PM20D1: variants seen among roughly 807,000 people sequenced by gnomAD.
PM20D1 encodes the protein N-fatty-acyl-amino acid synthase/hydrolase PM20D1.
A neutral mutation model predicts 53.8 loss-of-function variants in PM20D1; 53 were observed. The ratio of observed to expected loss-of-function variants is 0.98; its 90% CI spans 0.79 to 1.24. The LOEUF (loss-of-function observed/expected upper bound fraction) is 1.24, where lower values mean the gene tolerates loss of function less well. PM20D1 is among the 50% of genes most tolerant of loss of function. PM20D1 has a pLI of 0.00. For synonymous variants in PM20D1, 239 were observed against 241.3 expected (o/e 0.99, Z 0.09); for missense variants, 564 against 616.8 (o/e 0.91, Z 0.91).
chr1:205,835,131 T>C (rs1656655166), intron 10 of PM20D1, among the ~76,000 whole-genome samples: 1 of 152,196 alleles, frequency 6.6e-6, no homozygotes, highest in African/African-American at 2.4e-5. Flanking sequence ...GAGTATAACC[T>C]GAGAGGAGGT....
chr1:205,844,628 G>A (rs1558094244), intron 4 of PM20D1, among the ~76,000 whole-genome samples, 183 bp downstream of exon 4: 1 of 152,194 alleles, frequency 6.6e-6, no homozygotes, highest in Non-Finnish European at 1.5e-5. Context: ...AGGGCACAGG[G>A]CCCAGGAATC....
chr1:205,845,703 T>C, intron 2 of PM20D1, 146 bp from the exon 3 acceptor site: 1 of 651,178 alleles, frequency 1.5e-6, no homozygotes, highest in South Asian at 2.0e-5. Flanking sequence ...AAAGCTAGTC[T>C]GATTCCTGAT....
At chr1:205,838,720 C>T in intron 10 of PM20D1, among the ~76,000 whole-genome samples, 1 of 152,244 alleles carries the variant, frequency 6.6e-6, no homozygotes, top group East Asian at 1.9e-4. Flanking sequence ...ATAAGCTTCT[C>T]AAACTTCCAA....
Position 205,832,597 on chromosome 1 carries a change from C to A in PM20D1, c.1285+1G>T. 2 of 1,614,040 alleles carry A rather than the reference C, an allele frequency of 1.2e-6. No homozygotes were observed. The highest frequency in any genetic ancestry group is 1.7e-6 in the Non-Finnish European group (2 of 1,179,944). ...CCAGCCACAGCTGATGAAGTCATTA[C>A]CTGGGGCAGTAATATTGACTTCCGG... On this transcript the variant is annotated splice_donor_variant, in intron 11 of 12. Transcript: ENST00000367136. LOFTEE classifies it high-confidence loss of function.
At chr1:205,834,511 A>G (rs1042231378) in intron 10 of PM20D1, among the ~76,000 whole-genome samples, 2 of 152,182 alleles carry the variant, frequency 1.3e-5, no homozygotes, top group Non-Finnish European at 2.9e-5. Flanking sequence ...CTGGAGAGGA[A>G]GTGAAGGTTC....
At chr1:205,837,687 G>A (rs763646617) in intron 10 of PM20D1, among the ~76,000 whole-genome samples, 2 of 152,156 alleles carry the variant, frequency 1.3e-5, no homozygotes, top group East Asian at 3.9e-4. Flanking sequence ...ACTGCGGCAC[G>A]TGGGCAGGAT....
chr1:205,845,829 T>C (rs975006947), intron 2 of PM20D1, among the ~76,000 whole-genome samples: 2 of 150,408 alleles, frequency 1.3e-5, no homozygotes, highest in Non-Finnish European at 3.0e-5. Flanking sequence ...ATGCCTGTAA[T>C]CCCAGCACTT....
At position 205,830,286 on chromosome 1, in the gene PM20D1, A is replaced by C; in HGVS notation, c.1379T>G (p.Phe460Cys). ...FYPIYIQPED[F>C]KRIHGVNEKI... The stretch of plus-strand genomic sequence containing the variant: ...TCAAACCTGTTCCACTCACCGTTTG[A>C]AGTCTTCAGGCTGTATGTAGATGGG... The change falls in exon 12 of 13, where the codon TTC (phenylalanine) becomes TGC (cysteine). Residue 460 changes from phenylalanine to cysteine, a missense_variant. Physicochemically the swap from Phe to Cys is radical, Grantham distance 205. Transcript: ENST00000367136. The C allele has an allele frequency of 6.3e-7, 1 of 1,595,342 alleles. No individual in the cohort carries two copies.
chr1:205,842,744 G>A lies in PM20D1; in HGVS notation c.835C>T (p.Gln279Ter). ...CCAAATATGATAGGCATTGGTGTCT[G>A]CTCCAATCTGGAAGAGAAACAGAGT... Reference protein sequence around the residue: ...ILAAAVSRLEQTPMPIIFGSG... With the variant: ...ILAAAVSRLE The change falls in exon 7 of 13, where the codon CAG becomes TAG. Residue 279 changes from glutamine (Q) to a stop codon, truncating the protein, a stop_gained. Transcript: ENST00000367136. LOFTEE classifies it high-confidence loss of function. The A allele has an allele frequency of 2.5e-6, 4 of 1,613,896 alleles. No homozygotes were observed. Among genetic ancestry groups the A allele is most frequent in the Non-Finnish European group, 3.4e-6 (4 of 1,179,996 alleles).
At chr1:205,830,717 C>T (rs1391937995) in intron 11 of PM20D1, among the ~76,000 whole-genome samples, 1 of 150,800 alleles carries the variant, frequency 6.6e-6, no homozygotes, top group South Asian at 2.1e-4. Flanking sequence ...CCCCATGACG[C>T]CCAGGGTGGC....
intron 4 of PM20D1, among the ~76,000 whole-genome samples, chr1:205,844,557 A>C (rs951734987): frequency 6.6e-6 from 1 of 152,066 alleles, no homozygotes; most frequent in Non-Finnish European, 1.5e-5. Context: ...CTTAGGGTAT[A>C]GGTGATGGAC....
chr1:205,843,562 G>A, intron 6 of PM20D1, 105 bp downstream of exon 6: 1 of 1,480,344 alleles, frequency 6.8e-7, no homozygotes, highest in Non-Finnish European at 9.0e-7. Context: ...TAGTTTCCCA[G>A]CCCAACTTTA....
intron 10 of PM20D1, among the ~76,000 whole-genome samples, chr1:205,837,909 C>A (rs532189009): frequency 6.6e-6 from 1 of 152,220 alleles, no homozygotes; most frequent in African/African-American, 2.4e-5. Flanking sequence ...GATTTCCTGG[C>A]CCCATGAGAC....
At chr1:205,848,015 C>A in intron 1 of PM20D1, 44 bp from the exon 2 acceptor site, 1 of 1,579,816 alleles carries the variant, frequency 6.3e-7, no homozygotes, top group South Asian at 1.1e-5. Context: ...ATGAATTAGT[C>A]ATTGTTTTTT....
At chr1:205,844,498 G>A (rs568157939) in intron 4 of PM20D1, among the ~76,000 whole-genome samples, 7 of 152,288 alleles carry the variant, frequency 4.6e-5, no homozygotes, top group South Asian at 2.1e-4. Flanking sequence ...GAAATAAAAC[G>A]CAGTCATCAC....
Position 205,849,898 on chromosome 1 carries a change from G to C in PM20D1, c.169+6C>G, listed in dbSNP as rs772595617. ...GCATAGGTGGGTGAAGGGGACCCGG[G>C]TTCACCTTTCAGCGCCTCTTTCATC... On this transcript the variant is annotated splice_donor_region_variant and intron_variant, in intron 1 of 12. Coordinates refer to ENST00000367136, the MANE Select transcript of PM20D1 (RefSeq NM_152491.5). The C allele has an allele frequency of 6.2e-7, 1 of 1,609,692 alleles. No homozygotes were observed. Among genetic ancestry groups the C allele is most frequent in the South Asian group, 1.1e-5 (1 of 90,730 alleles).
At chr1:205,840,726 G>C (rs1656787581) in intron 9 of PM20D1, among the ~76,000 whole-genome samples, 1 of 152,218 alleles carries the variant, frequency 6.6e-6, no homozygotes, top group Non-Finnish European at 1.5e-5. Context: ...CGATGGGGCA[G>C]CCAGAGCCTC....
intron 10 of PM20D1, among the ~76,000 whole-genome samples, chr1:205,839,669 C>T (rs1444771354): frequency 1.3e-5 from 2 of 152,050 alleles, no homozygotes; most frequent in Admixed American, 6.6e-5. Flanking sequence ...CACGGTGAAA[C>T]ACCGTCTCTA....
At position 205,844,211 on chromosome 1, in the gene PM20D1, C is replaced by T. The variant is rs751404132; in HGVS notation, c.583G>A (p.Gly195Arg). 6.2e-7 allele frequency: 1 copy of T among 1,609,894 alleles called. No individual in the cohort carries two copies. Among genetic ancestry groups the T allele is most frequent in the Admixed American group, 1.7e-5 (1 of 59,412 alleles). ...GCTGAGATCCTCTGAGCCCCTGTCC[C>T]TGATGACTGCAGACATGGAACATAG... ...ISLGHDEESS[G>R]TGAQRISALL... The change falls in exon 5 of 13, where the codon GGG becomes AGG. Residue 195 changes from glycine to arginine, a missense_variant. Gly to Arg is a moderately radical substitution (Grantham distance 125). Coordinates refer to ENST00000367136, the MANE Select transcript of PM20D1 (RefSeq NM_152491.5).
Sources: gnomAD v4.1 joint callset for allele counts (sites outside exome capture counted in the v4.1 genomes callset) on GRCh38, gnomAD v4.1.1 for gene constraint, MANE v1.5 for transcripts, NCBI Gene and HGNC (gene_info 2026-07-23, HGNC 2026-07-21) for gene names.